The following IGSF11 variants were observed in gnomAD, a reference collection of about 807,000 sequenced individuals.
IGSF11 encodes CXADR like 1.
Under a neutral mutation model 41.0 loss-of-function variants are expected in IGSF11, and 22 were observed. The ratio of observed to expected loss-of-function variants is 0.54; its 90% confidence interval spans 0.38 to 0.77. IGSF11 has a LOEUF of 0.77. IGSF11 is among the 30% of genes least tolerant of loss of function. The pLI is 0.00. For missense variants in IGSF11, 444 were observed against 530.8 expected (o/e 0.84, Z 1.61); for synonymous variants, 219 against 201.3 (o/e 1.09, Z -0.74).
In IGSF11 at chr3:118,930,128, G is replaced by T; in HGVS notation, c.200C>A (p.Ala67Asp). The T allele has an allele frequency of 6.2e-7, 1 of 1,613,482 alleles. No individual in the cohort carries two copies. Among genetic ancestry groups the T allele is most frequent in the Non-Finnish European group, 8.5e-7 (1 of 1,179,690 alleles). Reference protein sequence around the residue: ...VIWMVTPLSNANQPEQVILYQ... With the variant: ...VIWMVTPLSNDNQPEQVILYQ... The stretch of plus-strand genomic sequence containing the variant: ...CAGAAATACCTGTTCAGGTTGGTTG[G>T]CATTGGAGAGAGGAGTGACCATCCA... The change falls in exon 2 of 7, where the codon GCC (alanine) becomes GAC (aspartate). Residue 67 changes from alanine to aspartate, a missense_variant. Ala to Asp is a moderately radical substitution (Grantham distance 126, BLOSUM62 -2). Around this residue, in one of 3 missense-constraint regions of IGSF11, gnomAD observed 193 missense variants for 283.5 expected, o/e 0.68. Transcript: ENST00000393775.
chr3:119,086,980 C>T (rs1424911620), intron 1 of IGSF11, among the ~76,000 whole-genome samples: 3 of 152,214 alleles, frequency 2.0e-5, no homozygotes, highest in Non-Finnish European at 4.4e-5. Flanking sequence ...AAAGACAAGA[C>T]TCAACTATCT....
At chr3:119,014,114 C>T (rs564835195) in intron 1 of IGSF11, among the ~76,000 whole-genome samples, 22 of 152,348 alleles carry the variant, frequency 1.4e-4, no homozygotes, top group Non-Finnish European at 2.8e-4. Flanking sequence ...GCATGTGCTA[C>T]ACCACCCCCT....
chr3:119,129,354 G>A (rs949378315), intron 1 of IGSF11, among the ~76,000 whole-genome samples: 3 of 151,916 alleles, frequency 2.0e-5, no homozygotes, highest in South Asian at 4.1e-4. Flanking sequence ...GTAAGTACAC[G>A]GAAAAATACA....
At chr3:119,121,518 G>A (rs542466851) in intron 1 of IGSF11, among the ~76,000 whole-genome samples, 1 of 152,220 alleles carries the variant, frequency 6.6e-6, no homozygotes, top group African/African-American at 2.4e-5. Flanking sequence ...CATTCAGTCT[G>A]AGGAGAAGAA....
At chr3:119,072,124 C>T (rs547333663) in intron 1 of IGSF11, among the ~76,000 whole-genome samples, 4 of 152,286 alleles carry the variant, frequency 2.6e-5, no homozygotes, top group East Asian at 1.9e-4. Flanking sequence ...ATATTTAGCA[C>T]GTCTTCCGTG....
intron 1 of IGSF11, among the ~76,000 whole-genome samples, chr3:119,064,511 C>CTTTTT (rs779910295): frequency 5.9e-5 from 6 of 101,382 alleles, no homozygotes; most frequent in Middle Eastern, 5.8e-3. Context: ...CTTGGCTGCT[C>CTTTTT]TTTTTTTTTT....
chr3:119,046,679 A>G (rs1389876923), intron 1 of IGSF11, among the ~76,000 whole-genome samples: 1 of 152,042 alleles, frequency 6.6e-6, no homozygotes, highest in Non-Finnish European at 1.5e-5. Flanking sequence ...AGCAACTCCA[A>G]GACACATAAT....
At chr3:118,971,206 G>A (rs542961203) in intron 1 of IGSF11, among the ~76,000 whole-genome samples, 2 of 152,308 alleles carry the variant, frequency 1.3e-5, no homozygotes, top group South Asian at 4.2e-4. Flanking sequence ...ATTTACAGGG[G>A]CAGAAAGCAG....
At chr3:118,963,993 G>C (rs1456943929) in intron 1 of IGSF11, among the ~76,000 whole-genome samples, 1 of 152,068 alleles carries the variant, frequency 6.6e-6, no homozygotes, top group Non-Finnish European at 1.5e-5. Flanking sequence ...TTAGGTCTCA[G>C]AATATGACAG....
intron 1 of IGSF11, among the ~76,000 whole-genome samples, chr3:119,025,821 C>T (rs1486937507): frequency 6.6e-6 from 1 of 151,914 alleles, no homozygotes. Flanking sequence ...GGTATATGTA[C>T]AAAGATGATC....
At chr3:119,118,325 A>G (rs2077286779) in intron 1 of IGSF11, among the ~76,000 whole-genome samples, 1 of 152,186 alleles carries the variant, frequency 6.6e-6, no homozygotes, top group African/African-American at 2.4e-5. Flanking sequence ...CCAAACCCCA[A>G]TTCTTGACTT....
At chr3:119,121,933 C>G (rs150978506) in intron 1 of IGSF11, among the ~76,000 whole-genome samples, 1 of 152,166 alleles carries the variant, frequency 6.6e-6, no homozygotes, top group Non-Finnish European at 1.5e-5. Context: ...AAGAAAATGA[C>G]AGTCAACTAA....
intron 1 of IGSF11, among the ~76,000 whole-genome samples, chr3:119,126,642 G>C (rs1249075255): frequency 6.6e-6 from 1 of 152,180 alleles, no homozygotes; most frequent in African/African-American, 2.4e-5. Context: ...TGCCCCTTGA[G>C]GTCAGAGGTC....
intron 1 of IGSF11, among the ~76,000 whole-genome samples, chr3:119,016,290 T>G (rs1052398221): frequency 6.6e-6 from 1 of 152,186 alleles, no homozygotes. Context: ...ATGGCATGTG[T>G]TCAAAGGTTC....
chr3:119,072,976 G>T (rs2076426045), intron 1 of IGSF11, among the ~76,000 whole-genome samples: 1 of 152,030 alleles, frequency 6.6e-6, no homozygotes, highest in South Asian at 2.1e-4. Flanking sequence ...AGACACAAAA[G>T]TTCTGTTAAG....
rs376748664 is a variant in IGSF11, at chr3:118,931,233, A to T, written c.53-958T>A. ...AAAATGATCACAGACCTAAATAAAA[A>T]TCAACAGAAAATGTTCATAAACCTA... On this transcript the variant is annotated intron_variant, in intron 1 of 6. Coordinates refer to ENST00000393775, the MANE Select transcript of IGSF11 (RefSeq NM_001015887.3). Among the ~76,000 whole-genome samples the T allele has an allele frequency of 2.0e-5, 3 of 152,340 alleles. No homozygotes were observed. In the East Asian group the frequency reaches 5.8e-4, roughly 29 times the overall value.
intron 1 of IGSF11, among the ~76,000 whole-genome samples, chr3:118,942,613 A>G (rs190540529): frequency 3.5e-4 from 53 of 152,354 alleles, no homozygotes; most frequent in African/African-American, 1.3e-3. Flanking sequence ...TCCTCCAAAT[A>G]GAAATACTAT....
At chr3:119,022,532 TA>T (rs1212598566) in intron 1 of IGSF11, among the ~76,000 whole-genome samples, 7 of 152,220 alleles carry the variant, frequency 4.6e-5, no homozygotes, top group African/African-American at 1.7e-4. Flanking sequence ...TATATCTCAA[TA>T]AAGTTGTTTT....
intron 1 of IGSF11, among the ~76,000 whole-genome samples, chr3:119,022,255 T>G (rs1419721181): frequency 6.6e-6 from 1 of 152,282 alleles, no homozygotes; most frequent in East Asian, 1.9e-4. Context: ...AGAAGTAGAT[T>G]AGAGGTTACC....
Sources: allele counts gnomAD v4.1 joint callset (sites outside exome capture counted in the v4.1 genomes callset), GRCh38; gene constraint gnomAD v4.1.1; regional missense constraint gnomAD v4.1.1; transcripts MANE v1.5; gene names NCBI Gene and HGNC (gene_info 2026-07-23, HGNC 2026-07-21).